The following PCDHA4 variants were observed in gnomAD, a reference collection of about 807,000 sequenced individuals.
PCDHA4 encodes the protein protocadherin alpha 4.
Under a neutral mutation model 61.4 loss-of-function variants are expected in PCDHA4, and 49 were observed. The ratio of observed to expected loss-of-function variants is 0.80; its 90% CI spans 0.63 to 1.01. The LOEUF (loss-of-function observed/expected upper bound fraction) is 1.01, where lower values mean the gene tolerates loss of function less well. Among genes scored for constraint, PCDHA4 ranks in the 50% least tolerant of loss-of-function variants. The pLI, the probability that PCDHA4 is intolerant of heterozygous loss-of-function variation, is 0.00. For synonymous variants in PCDHA4, 590 were observed against 550.3 expected (o/e 1.07, Z -1.01); for missense variants, 1,254 against 1,235.8 (o/e 1.01, Z -0.22).
intron 1 of PCDHA4, chr5:140,841,359 G>A (rs2150314214): frequency 6.2e-7 from 1 of 1,613,176 alleles, no homozygotes; most frequent in Non-Finnish European, 8.5e-7. Flanking sequence ...GGATCCTGGC[G>A]ACTACTACTC....
chr5:140,921,974 T>G lies in PCDHA4; in HGVS notation c.2386-56975T>G, dbSNP rs184369031. Among the ~76,000 whole-genome samples the G allele has an allele frequency of 1.1e-3, 161 of 151,826 alleles. 2 individuals are homozygous for G. The highest frequency in any genetic ancestry group is 2.1e-3 in the Non-Finnish European group (141 of 67,922). The stretch of plus-strand genomic sequence containing the variant: ...AATCCCAGAAAACCAAAGGAAAAAA[T>G]AGAACTAAAAAAGAGTTCAATGAAA... On this transcript the variant is annotated intron_variant, in intron 1 of 3. Transcript: ENST00000530339.
chr5:140,986,834 C>T (rs2097214742), intron 3 of PCDHA4, among the ~76,000 whole-genome samples: 1 of 152,104 alleles, frequency 6.6e-6, no homozygotes. Context: ...CAATGGTTCT[C>T]AAAGGGGCAG....
chr5:140,828,853 T>C (rs2150159724), intron 1 of PCDHA4: 921 of 1,613,698 alleles, frequency 5.7e-4, no homozygotes, highest in South Asian at 4.0e-3. Flanking sequence ...TATTCGAAAA[T>C]GCAGACAACG....
chr5:140,928,081 C>G lies in PCDHA4; in HGVS notation c.2386-50868C>G, dbSNP rs782268064. On this transcript the variant is annotated intron_variant, in intron 1 of 3. Coordinates refer to ENST00000530339, the MANE Select transcript of PCDHA4 (RefSeq NM_018907.4). ...GGCTTCCTTTGACAACTACTACAGC[C>G]TGCTGATTGATGGGCCCCTGGACCG... is the stretch of plus-strand genomic sequence containing the variant. 6.2e-6 allele frequency: 10 copies of G among 1,614,090 alleles called. 1 individual carries two copies. In the South Asian group the frequency reaches 6.6e-5, roughly 11 times the overall value.
chr5:141,001,316 C>T (rs2098007805), intron 3 of PCDHA4, among the ~76,000 whole-genome samples: 2 of 152,096 alleles, frequency 1.3e-5, no homozygotes, highest in African/African-American at 4.8e-5. Flanking sequence ...AAATAATTTG[C>T]CAAACATCAC....
intron 1 of PCDHA4, among the ~76,000 whole-genome samples, chr5:140,976,317 G>A (rs1284415282): frequency 6.6e-6 from 1 of 152,212 alleles, no homozygotes; most frequent in Admixed American, 6.5e-5. Context: ...TTGGGAGGCC[G>A]AGGAGGGTGG....
At chr5:140,990,273 G>A (rs2097384089) in intron 3 of PCDHA4, among the ~76,000 whole-genome samples, 2 of 152,100 alleles carry the variant, frequency 1.3e-5, no homozygotes, top group African/African-American at 4.8e-5. Flanking sequence ...AATGTACCCC[G>A]GGTCTTGAGA....
chr5:140,843,651 C>T (rs2150364559), intron 1 of PCDHA4: 1 of 1,595,120 alleles, frequency 6.3e-7, no homozygotes, highest in Non-Finnish European at 8.6e-7. Flanking sequence ...CCCTGCCTTC[C>T]TCCTGATCTG....
intron 3 of PCDHA4, among the ~76,000 whole-genome samples, chr5:140,982,798 T>C (rs1310396823): frequency 2.0e-5 from 3 of 151,768 alleles, no homozygotes; most frequent in African/African-American, 7.3e-5. Flanking sequence ...TGTGTGCATG[T>C]GTGTGTGTGT....
At chr5:140,836,364 G>A (rs1774415317) in intron 1 of PCDHA4, 1 of 1,613,596 alleles carries the variant, frequency 6.2e-7, no homozygotes, top group Admixed American at 1.7e-5. Context: ...CTCGCTGACA[G>A]CCACAGCCAC....
intron 1 of PCDHA4, among the ~76,000 whole-genome samples, chr5:140,906,125 T>G (rs1168148239): frequency 6.6e-6 from 1 of 152,028 alleles, no homozygotes; most frequent in Non-Finnish European, 1.5e-5. Flanking sequence ...GACACAAATG[T>G]TAGTCTCCTT....
At chr5:140,875,399 C>T (rs62622796) in intron 1 of PCDHA4, 40,992 of 1,482,866 alleles carry the variant, frequency 0.028, 731 homozygotes, top group Non-Finnish European at 0.032. Flanking sequence ...AAAAGGGTGA[C>T]TGCTCATAAA....
chr5:140,941,202 C>CCTTTCTTCCTTCCTTT (rs1394736170), intron 1 of PCDHA4, among the ~76,000 whole-genome samples: 7 of 122,740 alleles, frequency 5.7e-5, no homozygotes, highest in African/African-American at 1.5e-4. Context: ...TTTCTTTCTT[C>CCTTTCTTCCTTCCTTT]CTTTCTTTCT....
chr5:140,994,272 C>G (rs1400320599), intron 3 of PCDHA4, among the ~76,000 whole-genome samples: 1 of 152,168 alleles, frequency 6.6e-6, no homozygotes, highest in Non-Finnish European at 1.5e-5. Context: ...GCTAGGCTGC[C>G]TTTCTTGAGA....
intron 1 of PCDHA4, chr5:140,868,445 T>C (rs1250466502): frequency 6.6e-6 from 1 of 152,220 alleles, no homozygotes; most frequent in Non-Finnish European, 1.5e-5. Flanking sequence ...ATGTGGAACA[T>C]AAACACTAAA....
intron 1 of PCDHA4, chr5:140,842,411 C>A (rs2150335386): frequency 1.9e-6 from 3 of 1,612,732 alleles, no homozygotes; most frequent in Non-Finnish European, 2.5e-6. Context: ...TGAAGACGCT[C>A]AATTTGGTAC....
At chr5:140,834,193 T>C in intron 1 of PCDHA4, 1 of 594,062 alleles carries the variant, frequency 1.7e-6, no homozygotes, top group Non-Finnish European at 2.9e-6. Flanking sequence ...GATGTCGCTC[T>C]TTACCGCAAA....
intron 1 of PCDHA4, chr5:140,853,984 T>A: frequency 1.9e-6 from 1 of 534,780 alleles, no homozygotes; most frequent in Non-Finnish European, 2.5e-6. Context: ...ACCAATGTAG[T>A]GAGACTCATC....
rs782736508 is a variant in PCDHA4 at position 140,857,757 on chromosome 5, G to A, written c.2385+48185G>A. ...CCCGCGCTGCTGGCGTCTCCCGCTGGCAGCGCGGGCGGTGCAGTCAGTGAG... is the reference window on the plus strand; with the variant it reads ...CCCGCGCTGCTGGCGTCTCCCGCTGACAGCGCGGGCGGTGCAGTCAGTGAG... On this transcript the variant is annotated intron_variant, in intron 1 of 3. Coordinates refer to ENST00000530339, the MANE Select transcript of PCDHA4 (RefSeq NM_018907.4). 1.2e-5 allele frequency: 19 copies of A among 1,597,402 alleles called. No individual in the cohort carries two copies. In the East Asian group the frequency reaches 4.0e-4, roughly 34 times the overall value.
Sources: allele counts gnomAD v4.1 joint callset (sites outside exome capture counted in the v4.1 genomes callset), GRCh38; gene constraint gnomAD v4.1.1; transcripts MANE v1.5; gene names NCBI Gene and HGNC (gene_info 2026-07-23, HGNC 2026-07-21).